Variants in SGMS1 observed in about 807,000 individuals in gnomAD.
SGMS1 encodes the protein phosphatidylcholine:ceramide cholinephosphotransferase 1.
SGMS1 carries 13 observed loss-of-function variants against 46.2 expected under a neutral mutation model. The ratio of observed to expected loss-of-function variants is 0.28; its 90% CI spans 0.18 to 0.45. The LOEUF is 0.45. Among genes scored for constraint, SGMS1 ranks in the 20% least tolerant of loss-of-function variants. The probability of loss-of-function intolerance (pLI) is 1.00; values close to 1 mark genes in which losing one functional copy is unlikely to be tolerated. For synonymous variants in SGMS1, 203 were observed against 187.8 expected, an observed-to-expected ratio of 1.08 and a Z score of -0.66; for missense variants, 324 against 519.9, an observed-to-expected ratio of 0.62 and a Z score of 3.66.
At chr10:50,583,605 A>G (rs1012700601) in intron 2 of SGMS1, among the ~76,000 whole-genome samples, 1 of 152,218 alleles carries the variant, frequency 6.6e-6, no homozygotes. Flanking sequence ...CTCCATTCAG[A>G]GCCCAAAAAC....
intron 1 of SGMS1, among the ~76,000 whole-genome samples, chr10:50,606,819 C>G (rs1309614371): frequency 1.3e-5 from 2 of 152,154 alleles, no homozygotes; most frequent in Non-Finnish European, 2.9e-5. Context: ...TATCCAAAGA[C>G]TCATTTTCAA....
intron 2 of SGMS1, among the ~76,000 whole-genome samples, chr10:50,557,697 A>C (rs1838200048): frequency 6.6e-6 from 1 of 152,088 alleles, no homozygotes; most frequent in South Asian, 2.1e-4. Flanking sequence ...AAAAAAAAAA[A>C]AAAAATGGCA....
At chr10:50,534,127 CA>C (rs11290410) in intron 2 of SGMS1, among the ~76,000 whole-genome samples, 4,716 of 152,178 alleles carry the variant, frequency 0.031, 245 homozygotes, top group African/African-American at 0.11. Flanking sequence ...TACCTATCTG[CA>C]CACACACATT....
chr10:50,616,791 T>C (rs1184382679), intron 1 of SGMS1, among the ~76,000 whole-genome samples: 1 of 152,184 alleles, frequency 6.6e-6, no homozygotes, highest in African/African-American at 2.4e-5. Context: ...CAGAGAAAAT[T>C]TGAAACTCTA....
chr10:50,441,071 ATGCATGCAATGCATCCAG>A (rs1367887623), intron 5 of SGMS1, among the ~76,000 whole-genome samples: 4 of 152,256 alleles, frequency 2.6e-5, no homozygotes. Context: ...ATTGCATGAA[ATGCATGCAATGCATCCAG>A]TCGACAAAGT....
intron 4 of SGMS1, among the ~76,000 whole-genome samples, chr10:50,462,104 G>GA (rs955448262): frequency 9.3e-5 from 14 of 150,246 alleles, no homozygotes; most frequent in South Asian, 4.2e-4. Flanking sequence ...TCTACAAAAA[G>GA]AAAAAAAAAT....
At chr10:50,525,846 C>T (rs2133795630) in intron 2 of SGMS1, among the ~76,000 whole-genome samples, 1 of 152,288 alleles carries the variant, frequency 6.6e-6, no homozygotes, top group African/African-American at 2.4e-5. Context: ...ATGACTTTCT[C>T]CAAAGCAAGA....
intron 2 of SGMS1, among the ~76,000 whole-genome samples, chr10:50,588,420 C>T (rs1034480420): frequency 2.0e-5 from 3 of 152,126 alleles, no homozygotes; most frequent in Admixed American, 2.0e-4. Flanking sequence ...GCAGAACAGT[C>T]GACAGCCATC....
chr10:50,359,954 C>CT (rs1030546229), intron 6 of SGMS1, among the ~76,000 whole-genome samples: 2 of 151,890 alleles, frequency 1.3e-5, no homozygotes, highest in Admixed American at 6.6e-5. Context: ...TTCTGCTTTA[C>CT]TTTTTTTTCA....
chr10:50,497,567 T>G (rs964705549), intron 3 of SGMS1, among the ~76,000 whole-genome samples: 1 of 152,116 alleles, frequency 6.6e-6, no homozygotes, highest in Non-Finnish European at 1.5e-5. Context: ...CCGAGGCAGA[T>G]GGATCGCCTG....
At chr10:50,376,443 T>A (rs115374556) in intron 6 of SGMS1, among the ~76,000 whole-genome samples, 402 of 152,324 alleles carry the variant, frequency 2.6e-3, no homozygotes, top group African/African-American at 7.8e-3. Context: ...GCATTTTTTT[T>A]AAATTATACT....
At chr10:50,616,606 A>AT (rs1838800214) in intron 1 of SGMS1, among the ~76,000 whole-genome samples, 1 of 152,188 alleles carries the variant, frequency 6.6e-6, no homozygotes, top group African/African-American at 2.4e-5. Flanking sequence ...AGGAAAGAGG[A>AT]ACCAGGGCCT....
At chr10:50,414,472 G>A (rs992588569) in intron 6 of SGMS1, among the ~76,000 whole-genome samples, 1 of 152,140 alleles carries the variant, frequency 6.6e-6, no homozygotes, top group Non-Finnish European at 1.5e-5. Context: ...ATTGCCTGAA[G>A]TAGTAGTAGT....
intron 1 of SGMS1, among the ~76,000 whole-genome samples, chr10:50,617,960 C>T (rs1404516080): frequency 6.6e-6 from 1 of 151,530 alleles, no homozygotes; most frequent in Non-Finnish European, 1.5e-5. Flanking sequence ...TCAAACAATC[C>T]TCCCACCTCA....
chr10:50,594,396 A>G (rs1003015256), intron 1 of SGMS1, among the ~76,000 whole-genome samples: 2 of 152,238 alleles, frequency 1.3e-5, no homozygotes, highest in Non-Finnish European at 2.9e-5. Context: ...TTCTTGAAGG[A>G]GAAAAAGAGT....
intron 6 of SGMS1, among the ~76,000 whole-genome samples, chr10:50,387,932 TTTGA>T (rs1441089170): frequency 1.3e-5 from 2 of 152,206 alleles, no homozygotes; most frequent in African/African-American, 2.4e-5. Flanking sequence ...ATTGGCCCCC[TTTGA>T]TTGACCAAAA....
At chr10:50,325,014 G>T (rs188177619) in intron 8 of SGMS1, among the ~76,000 whole-genome samples, 3 of 152,336 alleles carry the variant, frequency 2.0e-5, no homozygotes, top group African/African-American at 7.2e-5. Context: ...GCATCAACTT[G>T]TAATTGCTGA....
intron 1 of SGMS1, among the ~76,000 whole-genome samples, chr10:50,607,139 C>T (rs1363653134): frequency 6.7e-6 from 1 of 149,968 alleles, no homozygotes; most frequent in East Asian, 1.9e-4. Flanking sequence ...CCACCACACC[C>T]AGGTAATTTT....
intron 6 of SGMS1, chr10:50,418,547 TG>T (rs1239564036): frequency 6.6e-6 from 1 of 152,242 alleles, no homozygotes; most frequent in African/African-American, 2.4e-5. Context: ...TTTCCTTTCT[TG>T]ATTTATACCA....
Sources: allele counts gnomAD v4.1 joint callset (sites outside exome capture counted in the v4.1 genomes callset), GRCh38; gene constraint gnomAD v4.1.1; transcripts MANE v1.5; gene names NCBI Gene and HGNC (gene_info 2026-07-23, HGNC 2026-07-21).